Variants in HTR1F observed in about 807,000 individuals in gnomAD.
The protein encoded by HTR1F is 5-hydroxytryptamine receptor 1F.
A neutral mutation model predicts 24.0 loss-of-function variants in HTR1F; 17 were observed. The ratio of observed to expected loss-of-function variants is 0.71; its 90% CI spans 0.48 to 1.06. The LOEUF (loss-of-function observed/expected upper bound fraction) is 1.06, where lower values mean the gene tolerates loss of function less well. Ranked by LOEUF, HTR1F falls within the 50% of genes least tolerant of loss-of-function variation. The pLI is 0.00. For missense variants in HTR1F, 391 were observed against 427.8 expected (o/e 0.91, Z 0.76); for synonymous variants, 186 against 156.8 (o/e 1.19, Z -1.39).
At chr3:87,839,214 T>C (rs1248034913) in intron 2 of HTR1F, among the ~76,000 whole-genome samples, 3 of 152,102 alleles carry the variant, frequency 2.0e-5, no homozygotes, top group African/African-American at 7.2e-5. Flanking sequence ...GTTTTATGTT[T>C]AAGTCACTAA....
rs199724095 is a variant in HTR1F at position 87,991,112 on chromosome 3, G to T, written c.363G>T (p.Arg121=). The T allele has an allele frequency of 1.2e-6, 2 of 1,613,936 alleles. No individual in the cohort carries two copies. The highest frequency in any genetic ancestry group is 3.3e-5 in the Admixed American group (2 of 60,008). ...ILHLSAIALD[R]YRAITDAVEY... is the part of the protein sequence containing the mutation. ...ATCTCTCAGCTATAGCTTTGGATCG[G>T]TATCGAGCAATCACAGATGCTGTTG... is the stretch of plus-strand genomic sequence containing the variant. The change falls in exon 3 of 3, where the codon CGG becomes CGT. Residue 121 remains arginine, a synonymous_variant. Coordinates refer to ENST00000319595, the MANE Select transcript of HTR1F (RefSeq NM_001322209.2).
intron 1 of HTR1F, among the ~76,000 whole-genome samples, chr3:87,811,049 C>T (rs1357786404): frequency 6.6e-6 from 1 of 152,130 alleles, no homozygotes; most frequent in Non-Finnish European, 1.5e-5. Flanking sequence ...AGTAAGTAAT[C>T]CTGATTTCAG....
intron 1 of HTR1F, among the ~76,000 whole-genome samples, chr3:87,802,076 C>CTCCT (rs1559588013): frequency 1.1e-5 from 1 of 88,788 alleles, no homozygotes; most frequent in African/African-American, 5.3e-5. Flanking sequence ...CTTTCCCTCC[C>CTCCT]TCCTTCCCTC....
At chr3:87,817,162 G>C (rs1297102410) in intron 1 of HTR1F, among the ~76,000 whole-genome samples, 4 of 152,022 alleles carry the variant, frequency 2.6e-5, no homozygotes, top group African/African-American at 7.2e-5. Flanking sequence ...ATTAATTCTT[G>C]TATTTATCAA....
At chr3:87,856,395 G>T (rs1705200170) in intron 2 of HTR1F, among the ~76,000 whole-genome samples, 1 of 151,918 alleles carries the variant, frequency 6.6e-6, no homozygotes, top group South Asian at 2.1e-4. Context: ...GGAAATTTCT[G>T]CACTTTACAC....
chr3:87,875,226 G>A (rs145707457), intron 2 of HTR1F, among the ~76,000 whole-genome samples: 152 of 152,110 alleles, frequency 1.0e-3, no homozygotes, highest in Middle Eastern at 6.8e-3. Flanking sequence ...TGAGGCAGGT[G>A]GATCACTTGA....
intron 2 of HTR1F, among the ~76,000 whole-genome samples, chr3:87,909,596 C>A (rs1703733208): frequency 6.6e-6 from 1 of 151,848 alleles, no homozygotes; most frequent in Admixed American, 6.6e-5. Context: ...ATCAATTTTA[C>A]CAGAAAGAAT....
intron 2 of HTR1F, among the ~76,000 whole-genome samples, chr3:87,909,779 C>T (rs1703738149): frequency 6.6e-6 from 1 of 152,002 alleles, no homozygotes; most frequent in Non-Finnish European, 1.5e-5. Context: ...CCATTCACGA[C>T]TTTATTTTCA....
intron 2 of HTR1F, among the ~76,000 whole-genome samples, chr3:87,923,503 A>G (rs1375508594): frequency 6.6e-6 from 1 of 151,874 alleles, no homozygotes; most frequent in Admixed American, 6.6e-5. Flanking sequence ...GCTATTATAA[A>G]TGAAATTGCT....
intron 1 of HTR1F, among the ~76,000 whole-genome samples, chr3:87,802,657 T>C (rs1369978769): frequency 1.3e-5 from 2 of 152,100 alleles, no homozygotes; most frequent in Non-Finnish European, 2.9e-5. Flanking sequence ...CTTGATTTTG[T>C]TTTCTAATTA....
At chr3:87,881,170 C>T (rs1705787689) in intron 2 of HTR1F, among the ~76,000 whole-genome samples, 1 of 152,196 alleles carries the variant, frequency 6.6e-6, no homozygotes, top group South Asian at 2.1e-4. Context: ...ATTTCCATTT[C>T]CTAGCTAAGG....
intron 2 of HTR1F, among the ~76,000 whole-genome samples, chr3:87,865,895 C>T (rs1705416842): frequency 6.6e-6 from 1 of 152,042 alleles, no homozygotes; most frequent in African/African-American, 2.4e-5. Context: ...ATGGGGCTTG[C>T]ATATGTTCAG....
chr3:87,872,081 C>T (rs1342616915), intron 2 of HTR1F, among the ~76,000 whole-genome samples: 3 of 151,862 alleles, frequency 2.0e-5, no homozygotes, highest in African/African-American at 7.3e-5. Context: ...ATTAAATGGA[C>T]ATAGAATCAA....
chr3:87,833,160 T>C (rs1422087730), intron 2 of HTR1F, among the ~76,000 whole-genome samples: 2 of 143,386 alleles, frequency 1.4e-5, no homozygotes, highest in South Asian at 2.1e-4. Context: ...GCTTGCAATA[T>C]TGTCATTGTT....
At chr3:87,871,564 G>C (rs1261609248) in intron 2 of HTR1F, among the ~76,000 whole-genome samples, 1 of 152,000 alleles carries the variant, frequency 6.6e-6, no homozygotes, top group Non-Finnish European at 1.5e-5. Flanking sequence ...TAAGCTTAAT[G>C]GTTCAAACTA....
At chr3:87,798,710 T>G (rs1240037876) in intron 1 of HTR1F, among the ~76,000 whole-genome samples, 1 of 152,052 alleles carries the variant, frequency 6.6e-6, no homozygotes, top group Non-Finnish European at 1.5e-5. Flanking sequence ...TTGGCAATAG[T>G]CACTATATTA....
At chr3:87,887,955 A>C (rs984748611) in intron 2 of HTR1F, among the ~76,000 whole-genome samples, 1 of 152,174 alleles carries the variant, frequency 6.6e-6, no homozygotes, top group Non-Finnish European at 1.5e-5. Context: ...TTGACCCAGC[A>C]ATCCCATTAC....
intron 1 of HTR1F, among the ~76,000 whole-genome samples, chr3:87,805,720 T>C (rs150309739): frequency 1.1e-4 from 16 of 152,162 alleles, no homozygotes; most frequent in African/African-American, 2.9e-4. Context: ...AGGTGATGGG[T>C]TGATAAATGC....
intron 2 of HTR1F, among the ~76,000 whole-genome samples, chr3:87,850,898 T>G (rs1705071791): frequency 6.6e-6 from 1 of 151,632 alleles, no homozygotes; most frequent in Admixed American, 6.6e-5. Context: ...GTGATTTTTG[T>G]TTTCTTCATC....
Sources: gnomAD v4.1 joint callset for allele counts (sites outside exome capture counted in the v4.1 genomes callset) on GRCh38, gnomAD v4.1.1 for gene constraint, MANE v1.5 for transcripts, NCBI Gene and HGNC (gene_info 2026-07-23, HGNC 2026-07-21) for gene names.